KL: variants seen among roughly 807,000 people sequenced by gnomAD.
KL encodes klotho, also known as alpha-klotho.
A neutral mutation model predicts 84.2 loss-of-function variants in KL; 62 were observed. The observed-to-expected ratio is 0.74, with a 90% CI of 0.60 to 0.91. KL has a LOEUF of 0.91. KL is among the 40% of genes least tolerant of loss of function. The pLI, the probability that KL is intolerant of heterozygous loss-of-function variation, is 0.00. For missense variants in KL, 1,261 were observed against 1,305.7 expected (o/e 0.97, Z 0.53); for synonymous variants, 528 against 528.0 (o/e 1.00, Z 0.00).
chr13:33,056,601 C>T (rs1476191648), intron 3 of KL, among the ~76,000 whole-genome samples: 1 of 149,720 alleles, frequency 6.7e-6, no homozygotes, highest in African/African-American at 2.5e-5. Flanking sequence ...CAAGACCATC[C>T]TGAATAACAC....
intron 1 of KL, among the ~76,000 whole-genome samples, chr13:33,022,028 A>G (rs1870593703): frequency 6.6e-6 from 1 of 152,260 alleles, no homozygotes; most frequent in Admixed American, 6.5e-5. Context: ...TCCTTTTTGA[A>G]CACATTGTTT....
chr13:33,064,211 A>G lies in KL; in HGVS notation c.*25A>G. 6.6e-7 allele frequency: 1 copy of G among 1,519,962 alleles called. No homozygotes were observed. The highest frequency in any genetic ancestry group is 9.1e-7 in the Non-Finnish European group (1 of 1,098,568). 94.2% of individuals were successfully genotyped at this position (1,519,962 alleles called of 1,614,324 possible). A position where few individuals can be genotyped will look rare whatever the true frequency, so the allele number is the denominator to read the frequency against. On this transcript the variant is annotated 3_prime_UTR_variant, in exon 5 of 5. Coordinates refer to ENST00000380099, the MANE Select transcript of KL (RefSeq NM_004795.4). Reference sequence around the variant, plus strand: ...GTTCTGAACATTTTTCTATTCATTCATTTTGAAATAATTATGCAGACACAT... The same window carrying G: ...GTTCTGAACATTTTTCTATTCATTCGTTTTGAAATAATTATGCAGACACAT...
intron 1 of KL, among the ~76,000 whole-genome samples, chr13:33,031,609 C>A (rs1323539986): frequency 6.6e-6 from 1 of 152,032 alleles, no homozygotes; most frequent in Admixed American, 6.6e-5. Flanking sequence ...TAAATAAGAA[C>A]AGACATTTCG....
chr13:33,034,915 GA>G (rs1473611792), intron 1 of KL, among the ~76,000 whole-genome samples: 2 of 152,070 alleles, frequency 1.3e-5, no homozygotes, highest in African/African-American at 4.8e-5. Flanking sequence ...AATTTTCACA[GA>G]AAAAACTTAC....
At chr13:33,025,579 C>T (rs1286820278) in intron 1 of KL, among the ~76,000 whole-genome samples, 2 of 152,088 alleles carry the variant, frequency 1.3e-5, no homozygotes, top group South Asian at 2.1e-4. Context: ...ATGGCTGAAG[C>T]GTCAGGTGGG....
In KL at chr13:33,061,091, G is replaced by A. The variant is rs750131236; in HGVS notation, c.2012G>A (p.Arg671Gln). ...GCCCTGGCCTTTGCAGAGTATGCCCGACTGTGCTTTCAAGAGCTCGGCCAT... is the reference window on the plus strand; with the variant it reads ...GCCCTGGCCTTTGCAGAGTATGCCCAACTGTGCTTTCAAGAGCTCGGCCAT... ...YTALAFAEYA[R>Q]LCFQELGHHV... The change falls in exon 4 of 5, where the codon CGA (arginine) becomes CAA (glutamine). Residue 671 changes from arginine to glutamine, a missense_variant. By Grantham distance (43) the Arg-to-Gln change is conservative. Coordinates refer to ENST00000380099, the MANE Select transcript of KL (RefSeq NM_004795.4). 68 of 1,613,638 alleles carry A rather than the reference G, an allele frequency of 4.2e-5. 1 individual carries two copies. Among genetic ancestry groups the A allele is most frequent in the South Asian group, 3.2e-4 (29 of 90,996 alleles).
intron 1 of KL, among the ~76,000 whole-genome samples, chr13:33,021,471 G>A (rs1349220459): frequency 6.6e-6 from 1 of 152,188 alleles, no homozygotes; most frequent in African/African-American, 2.4e-5. Context: ...GGCTTTGTTA[G>A]CTGATTGAAT....
chr13:33,064,378 T>C lies in KL; in HGVS notation c.*192T>C. ...GTAAAATATTGAATAATGCGAATAG[T>C]GCCTGAATTTGTTCTCTTTTTGGGT... On this transcript the variant is annotated 3_prime_UTR_variant, in exon 5 of 5. Coordinates refer to ENST00000380099, the MANE Select transcript of KL (RefSeq NM_004795.4). The C allele has an allele frequency of 1.9e-6, 1 of 527,094 alleles. No homozygotes were observed. The highest frequency in any genetic ancestry group is 3.4e-6 in the Non-Finnish European group (1 of 297,462). The allele number at this position is 527,094 out of a possible 1,614,324, so 32.7% of individuals were successfully genotyped here. A position where few individuals can be genotyped will look rare whatever the true frequency, so the allele number is the denominator to read the frequency against.
intron 1 of KL, among the ~76,000 whole-genome samples, chr13:33,020,437 C>T (rs1274883578): frequency 6.6e-6 from 1 of 152,140 alleles, no homozygotes; most frequent in Non-Finnish European, 1.5e-5. Context: ...AATACTGCTG[C>T]ATCCCGATGA....
intron 1 of KL, among the ~76,000 whole-genome samples, chr13:33,029,544 C>T (rs1304886488): frequency 6.6e-6 from 1 of 152,186 alleles, no homozygotes; most frequent in East Asian, 1.9e-4. Flanking sequence ...TTATTACATA[C>T]AGAGATGACT....
intron 1 of KL, among the ~76,000 whole-genome samples, chr13:33,053,190 G>C (rs966786126): frequency 5.3e-5 from 8 of 152,164 alleles, no homozygotes; most frequent in Admixed American, 6.5e-5. Flanking sequence ...GGTAGGCCAA[G>C]GTTAGATGCT....
chr13:33,056,434 G>C (rs1170917558), intron 3 of KL, among the ~76,000 whole-genome samples: 1 of 152,030 alleles, frequency 6.6e-6, no homozygotes, highest in Non-Finnish European at 1.5e-5. Flanking sequence ...TACATTTTTT[G>C]CTGGTTGGGA....
In KL at chr13:33,017,195, G is replaced by A. The variant is rs1343669027; in HGVS notation, c.755G>A (p.Arg252His). The A allele has an allele frequency of 4.4e-6, 7 of 1,597,492 alleles. No individual in the cohort carries two copies. In the African/African-American group the frequency reaches 5.3e-5, roughly 12 times the overall value. ...VVAWHGYATG[R>H]LAPGIRGSPR... ...GCCTGGCACGGCTACGCCACCGGGC[G>A]CCTGGCCCCCGGCATCCGGGGCAGC... Residue 252 changes from arginine (R) to histidine (H), a missense_variant, in exon 1 of 5, where the codon CGC becomes CAC. Coordinates refer to ENST00000380099, the MANE Select transcript of KL (RefSeq NM_004795.4).
chr13:33,019,540 G>C (rs2138187371), intron 1 of KL, among the ~76,000 whole-genome samples: 1 of 152,014 alleles, frequency 6.6e-6, no homozygotes, highest in South Asian at 2.1e-4. Context: ...AGATCCCCTG[G>C]GATGATGGGA....
chr13:33,037,253 A>G (rs1258073078), intron 1 of KL, among the ~76,000 whole-genome samples: 1 of 152,170 alleles, frequency 6.6e-6, no homozygotes, highest in East Asian at 1.9e-4. Flanking sequence ...TAGGTGTTGG[A>G]TAATATTTGT....
chr13:33,042,444 T>C (rs1469692975), intron 1 of KL, among the ~76,000 whole-genome samples: 1 of 152,208 alleles, frequency 6.6e-6, no homozygotes, highest in Non-Finnish European at 1.5e-5. Context: ...AGACTGATTT[T>C]GGGACTTTAT....
intron 1 of KL, among the ~76,000 whole-genome samples, chr13:33,049,141 T>C (rs1429467070): frequency 6.6e-6 from 1 of 152,214 alleles, no homozygotes; most frequent in African/African-American, 2.4e-5. Flanking sequence ...AGGCCTGCCA[T>C]ATAAAATTCC....
chr13:33,052,097 C>T (rs1871775451), intron 1 of KL, among the ~76,000 whole-genome samples: 1 of 152,192 alleles, frequency 6.6e-6, no homozygotes, highest in Admixed American at 6.5e-5. Flanking sequence ...GCTGGGACTA[C>T]AGGCACACAG....
intron 3 of KL, among the ~76,000 whole-genome samples, chr13:33,057,230 A>G (rs1021476991): frequency 6.6e-6 from 1 of 151,940 alleles, no homozygotes; most frequent in Non-Finnish European, 1.5e-5. Flanking sequence ...ATGCGGCACA[A>G]TCTCCCAGCC....
Sources: gnomAD v4.1 joint callset for allele counts (sites outside exome capture counted in the v4.1 genomes callset) on GRCh38, gnomAD v4.1.1 for gene constraint, MANE v1.5 for transcripts, NCBI Gene and HGNC (gene_info 2026-07-23, HGNC 2026-07-21) for gene names.